Variants in GGTA1 observed in about 807,000 individuals in gnomAD.
GGTA1 encodes glycoprotein alpha-galactosyltransferase 1 (inactive), also known as inactive N-acetyllactosaminide alpha-1,3-galactosyltransferase.
GGTA1 carries 5 observed loss-of-function variants against 2.6 expected under a neutral mutation model. The observed-to-expected ratio is 1.92, with a 90% CI of 1.00 to 4.04. The LOEUF (loss-of-function observed/expected upper bound fraction) is 4.04. GGTA1 is among the 30% of genes most tolerant of loss of function. The pLI is 0.00. For synonymous variants in GGTA1, 17 were observed against 5.0 expected, an observed-to-expected ratio of 3.38 and a Z score of -3.19; for missense variants, 50 against 16.7, an observed-to-expected ratio of 2.99 and a Z score of -3.47.
At chr9:121,464,961 C>A (rs947630078) in intron 2 of GGTA1, among the ~76,000 whole-genome samples, 1 of 147,874 alleles carries the variant, frequency 6.8e-6, no homozygotes, top group African/African-American at 2.5e-5. Context: ...TCACCTCAAC[C>A]TATCATGTGG....
intron 2 of GGTA1, among the ~76,000 whole-genome samples, chr9:121,466,980 A>G (rs2118691443): frequency 6.6e-6 from 1 of 152,108 alleles, no homozygotes; most frequent in Non-Finnish European, 1.5e-5. Context: ...AAGAATCAAA[A>G]GAGATATTCG....
intron 1 of GGTA1, among the ~76,000 whole-genome samples, chr9:121,493,913 C>T (rs1371875026): frequency 4.6e-5 from 7 of 151,964 alleles, no homozygotes; most frequent in Non-Finnish European, 7.4e-5. Context: ...CGCACAACCA[C>T]GCCCAGCTAA....
intron 2 of GGTA1, among the ~76,000 whole-genome samples, chr9:121,464,101 A>G (rs2118681190): frequency 6.6e-6 from 1 of 152,324 alleles, no homozygotes. Context: ...TCCTCTCCAG[A>G]ATCCTTCAAC....
intron 3 of GGTA1, among the ~76,000 whole-genome samples, chr9:121,462,038 G>A (rs10120537): frequency 5.1e-4 from 77 of 152,184 alleles, no homozygotes; most frequent in African/African-American, 1.8e-3. Flanking sequence ...TCTTCAAGGT[G>A]GGGGGTCGGG....
intron 1 of GGTA1, among the ~76,000 whole-genome samples, chr9:121,481,871 C>T (rs1215145121): frequency 6.7e-6 from 1 of 149,808 alleles, no homozygotes; most frequent in Admixed American, 6.7e-5. Context: ...TGGTGCATGC[C>T]TGTAATCCCA....
In GGTA1 at chr9:121,461,792, T is replaced by A. The variant is rs1330538626; in HGVS notation, c.117-475A>T. ...AAGAGCTTTATGAGTTGAAAATGAC[T>A]GTAACAAGTTATACGCTTCATGAAA... On this transcript the variant is annotated intron_variant, in intron 3 of 5. Coordinates refer to ENST00000481799, the MANE Select transcript of GGTA1 (RefSeq NM_001382585.1). Among the ~76,000 whole-genome samples, 21 of 152,240 alleles carry A rather than the reference T, an allele frequency of 1.4e-4. 1 individual carries two copies. The highest frequency in any genetic ancestry group is 1.4e-3 in the Admixed American group (21 of 15,292).
chr9:121,451,361 A>G (rs1338780062), downstream of GGTA1, among the ~76,000 whole-genome samples: 1 of 151,974 alleles, frequency 6.6e-6, no homozygotes, highest in East Asian at 1.9e-4. Flanking sequence ...AATTTTTTGT[A>G]TTTTTCATAG....
chr9:121,447,772 TTCTCCTACCCC>T (rs2064858936), intron 7 of GGTA1, among the ~76,000 whole-genome samples: 1 of 152,076 alleles, frequency 6.6e-6, no homozygotes, highest in African/African-American at 2.4e-5. Flanking sequence ...GGAGAATGAT[TTCTCCTACCCC>T]AGGTGTGTTT....
chr9:121,467,204 T>C (rs879908013), intron 2 of GGTA1, among the ~76,000 whole-genome samples: 8 of 152,186 alleles, frequency 5.3e-5, no homozygotes, highest in Non-Finnish European at 8.8e-5. Context: ...CCAGCTGGAA[T>C]GGCCAGGCAT....
At chr9:121,462,038 G>T (rs10120537) in intron 3 of GGTA1, among the ~76,000 whole-genome samples, 50,706 of 152,130 alleles carry the variant, frequency 0.33, 8,820 homozygotes, top group Middle Eastern at 0.42. Context: ...TCTTCAAGGT[G>T]GGGGGTCGGG....
intron 1 of GGTA1, among the ~76,000 whole-genome samples, chr9:121,478,407 G>A (rs1345956148): frequency 2.6e-5 from 4 of 152,192 alleles, no homozygotes. Context: ...CTTTAGCAAA[G>A]GGGCATAGCT....
intron 5 of GGTA1, among the ~76,000 whole-genome samples, chr9:121,456,145 A>T (rs1431904308): frequency 6.6e-6 from 1 of 152,206 alleles, no homozygotes; most frequent in Admixed American, 6.5e-5. Flanking sequence ...CTAGTCTTTG[A>T]TAATGTCAAC....
intron 1 of GGTA1, among the ~76,000 whole-genome samples, chr9:121,491,189 A>G (rs984152073): frequency 6.6e-6 from 1 of 151,974 alleles, no homozygotes; most frequent in Admixed American, 6.6e-5. Flanking sequence ...CCCACTCCTA[A>G]TTTTGAAAGT....
At chr9:121,445,181 T>C (rs1041120823) in exon 8 of GGTA1, 1 of 152,218 alleles carries the variant, frequency 6.6e-6, no homozygotes, top group African/African-American at 2.4e-5. Flanking sequence ...ATCATTTCTT[T>C]GGGTCAGGAC....
At chr9:121,479,004 G>A (rs752446538) in intron 1 of GGTA1, 45 of 445,842 alleles carry the variant, frequency 1.0e-4, no homozygotes, top group Middle Eastern at 4.9e-4. Context: ...AAAACTCCAG[G>A]CTGCAGCTTG....
chr9:121,459,620 C>T (rs562636240), intron 5 of GGTA1, among the ~76,000 whole-genome samples: 1 of 152,242 alleles, frequency 6.6e-6, no homozygotes, highest in African/African-American at 2.4e-5. Context: ...AGGTCCCCAC[C>T]TCCCCCAGCT....
At chr9:121,464,016 G>A (rs1477918968) in intron 2 of GGTA1, among the ~76,000 whole-genome samples, 2 of 152,174 alleles carry the variant, frequency 1.3e-5, no homozygotes, top group Non-Finnish European at 2.9e-5. Flanking sequence ...AACCCTACCT[G>A]GCACTCAGGC....
intron 1 of GGTA1, among the ~76,000 whole-genome samples, chr9:121,491,599 T>TC (rs940332316): frequency 1.1e-4 from 14 of 128,378 alleles, no homozygotes; most frequent in Admixed American, 3.8e-4. Flanking sequence ...GTGCAATTAG[T>TC]TTTTTTTTTT....
Position 121,492,665 on chromosome 9 carries a change from G to T in GGTA1, c.-10+6985C>A, listed in dbSNP as rs1431180838. Among the ~76,000 whole-genome samples, 6 of 151,628 alleles carry T rather than the reference G, an allele frequency of 4.0e-5. No individual in the cohort carries two copies. The East Asian group carries it at 1.2e-3, about 30-fold the overall frequency. On this transcript the variant is annotated intron_variant, in intron 1 of 5. Coordinates refer to ENST00000481799, the MANE Select transcript of GGTA1 (RefSeq NM_001382585.1). Reference sequence around the variant, plus strand: ...ATTTTATATTTTTAGTAGAGACGGGGATTTCTCCATGTTGGTCAGGCTGGT... The same window carrying T: ...ATTTTATATTTTTAGTAGAGACGGGTATTTCTCCATGTTGGTCAGGCTGGT...
Sources: allele counts gnomAD v4.1 joint callset (sites outside exome capture counted in the v4.1 genomes callset), GRCh38; gene constraint gnomAD v4.1.1; transcripts MANE v1.5; gene names NCBI Gene and HGNC (gene_info 2026-07-23, HGNC 2026-07-21).